Variants in TENM1 observed in about 807,000 individuals in gnomAD.
TENM1 encodes teneurin-1.
TENM1 carries 35 observed loss-of-function variants against 174.8 expected under a neutral mutation model. That is an observed-to-expected ratio of 0.20 (90% CI 0.15 to 0.27). The LOEUF is 0.27. TENM1 is among the 10% of genes least tolerant of loss of function. The pLI is 1.00. For synonymous variants in TENM1, 781 were observed against 798.7 expected (o/e 0.98, Z 0.37); for missense variants, 1,633 against 2,130.1 (o/e 0.77, Z 4.59).
the TENM1 span, among the ~76,000 whole-genome samples, chrX:125,112,169 T>TGTGTGTGTGTGTGA: frequency 9.7e-6 from 1 of 103,154 alleles, no homozygotes; most frequent in African/African-American, 3.8e-5. Context: ...TGTGTGTGTG[T>TGTGTGTGTGTGTGA]GTGAGTGAGG....
chrX:124,489,133 G>T (rs1460409816), intron 20 of TENM1, among the ~76,000 whole-genome samples: 1 of 112,724 alleles, frequency 8.9e-6, no homozygotes, highest in Non-Finnish European at 1.9e-5. Context: ...TACATGCTGA[G>T]GTGTCAGTGT....
exon 24 of TENM1, chrX:124,422,492 G>A (rs2060665469): frequency 8.3e-7 from 1 of 1,209,176 alleles, no homozygotes. Flanking sequence ...AATGATCGAT[G>A]CCTGGCACCT....
the TENM1 span, among the ~76,000 whole-genome samples, chrX:125,026,868 A>G: frequency 8.9e-6 from 1 of 112,153 alleles, no homozygotes; most frequent in Non-Finnish European, 1.9e-5. Flanking sequence ...TAAATTCATC[A>G]CACTTAAAAA....
At chrX:125,016,553 G>A in the TENM1 span, among the ~76,000 whole-genome samples, 3 of 111,175 alleles carry the variant, frequency 2.7e-5, no homozygotes, top group South Asian at 3.8e-4. Context: ...ACTGCTCAAG[G>A]AAATAAGATA....
intron 1 of TENM1, among the ~76,000 whole-genome samples, chrX:124,921,397 T>C (rs1005189398): frequency 1.9e-4 from 21 of 111,397 alleles, no homozygotes; most frequent in African/African-American, 6.2e-4. Context: ...CCATTTATTT[T>C]TATGAAAATT....
chrX:124,970,548 CTCT>C, the TENM1 span, among the ~76,000 whole-genome samples: 161 of 112,513 alleles, frequency 1.4e-3, no homozygotes, highest in Non-Finnish European at 2.5e-3. Flanking sequence ...ACTGATTCTC[CTCT>C]TAACTTTCTT....
At chrX:124,453,608 T>C in intron 22 of TENM1, 117 bp from the exon 26 acceptor site, 1 of 671,000 alleles carries the variant, frequency 1.5e-6, no homozygotes, top group Non-Finnish European at 2.2e-6. Context: ...ATAGATTCAA[T>C]TTTGCTCAGC....
intron 23 of TENM1, among the ~76,000 whole-genome samples, chrX:124,450,386 T>C (rs984417160): frequency 9.3e-6 from 1 of 107,627 alleles, no homozygotes; most frequent in Non-Finnish European, 1.9e-5. Flanking sequence ...AATGGGAGTT[T>C]CCCTGCACAA....
chrX:125,169,330 A>C, the TENM1 span, among the ~76,000 whole-genome samples: 1 of 111,667 alleles, frequency 9.0e-6, no homozygotes, highest in Non-Finnish European at 1.9e-5. Context: ...AAGCTGAAAA[A>C]TGACCCCATT....
chrX:125,029,314 G>C, the TENM1 span, among the ~76,000 whole-genome samples: 8,428 of 111,617 alleles, frequency 0.076, 761 homozygotes, highest in African/African-American at 0.26. Context: ...ATCTCAACAA[G>C]AGCTGCCAAA....
intron 11 of TENM1, among the ~76,000 whole-genome samples, chrX:124,594,248 T>C (rs781653471): frequency 1.8e-5 from 2 of 111,600 alleles, no homozygotes; most frequent in South Asian, 3.8e-4. Flanking sequence ...GATGACATCA[T>C]AGGGGCTGTT....
intron 27 of TENM1, among the ~76,000 whole-genome samples, chrX:124,393,067 A>T (rs1331436805): frequency 9.0e-6 from 1 of 111,149 alleles, no homozygotes; most frequent in Non-Finnish European, 1.9e-5. Context: ...CTGGTTCTAG[A>T]CTTTTTCTAC....
At chrX:124,998,322 C>T in the TENM1 span, among the ~76,000 whole-genome samples, 1 of 109,246 alleles carries the variant, frequency 9.2e-6, no homozygotes, top group African/African-American at 3.3e-5. Context: ...AAAGGGGAGC[C>T]ACTGAGAGGT....
At chrX:124,834,626 C>A (rs2056357373) in intron 3 of TENM1, among the ~76,000 whole-genome samples, 1 of 111,568 alleles carries the variant, frequency 9.0e-6, no homozygotes, top group Non-Finnish European at 1.9e-5. Flanking sequence ...AAGCTTGGCC[C>A]AAATAAACTC....
At chrX:124,893,205 A>C (rs7889004) in intron 3 of TENM1, among the ~76,000 whole-genome samples, 2,459 of 112,190 alleles carry the variant, frequency 0.022, 66 homozygotes, top group African/African-American at 0.075. Flanking sequence ...CTTATTGAAA[A>C]TATTAGTAGG....
intron 3 of TENM1, among the ~76,000 whole-genome samples, chrX:124,876,805 T>C (rs1049902853): frequency 3.6e-5 from 4 of 112,045 alleles, no homozygotes; most frequent in Non-Finnish European, 7.5e-5. Context: ...TCTATGAGAT[T>C]ATCCATTCCA....
chrX:124,782,035 C>G (rs1569441926), intron 3 of TENM1, among the ~76,000 whole-genome samples: 1 of 110,727 alleles, frequency 9.0e-6, no homozygotes, highest in East Asian at 2.9e-4. Context: ...TAAAATCTTC[C>G]ACTCATGATC....
At chrX:124,751,733 C>T (rs1376443528) in intron 3 of TENM1, among the ~76,000 whole-genome samples, 1 of 99,865 alleles carries the variant, frequency 1.0e-5, no homozygotes, top group Non-Finnish European at 2.0e-5. Flanking sequence ...TGAGTGAGAA[C>T]ATGCGGTGTT....
rs750088644 is a variant in TENM1 at position 124,564,365 on chromosome X, T to G, written c.2264-593A>C. ...GTATTATATATATTATACATTACTTTGGCAAGCTCCAACCATTATAACAAA... is the reference window on the plus strand; with the variant it reads ...GTATTATATATATTATACATTACTTGGGCAAGCTCCAACCATTATAACAAA... On this transcript the variant is annotated intron_variant, in intron 12 of 31. Coordinates refer to ENST00000422452, the Ensembl canonical transcript of TENM1. 2.1e-4 allele frequency among the ~76,000 whole-genome samples: 24 copies of G among 112,054 alleles called. No individual in the cohort carries two copies. In the South Asian group the frequency reaches 3.0e-3, roughly 14 times the overall value.
Sources: allele counts gnomAD v4.1 joint callset (sites outside exome capture counted in the v4.1 genomes callset), GRCh38; gene constraint gnomAD v4.1.1; transcripts MANE v1.5; gene names NCBI Gene and HGNC (gene_info 2026-07-23, HGNC 2026-07-21).